The following SOHLH2 variants were observed in gnomAD, a reference collection of about 807,000 sequenced individuals.
SOHLH2 encodes the protein spermatogenesis- and oogenesis-specific basic helix-loop-helix-containing protein 2.
SOHLH2 carries 22 observed loss-of-function variants against 50.4 expected under a neutral mutation model. The observed-to-expected ratio is 0.44, with a 90% CI of 0.31 to 0.62. The LOEUF is 0.62. Ranked by LOEUF, SOHLH2 falls within the 20% of genes least tolerant of loss-of-function variation. The pLI is 0.08. For synonymous variants in SOHLH2, 185 were observed against 187.3 expected (o/e 0.99, Z 0.10); for missense variants, 412 against 504.4 (o/e 0.82, Z 1.76).
chr13:36,183,124 CT>C, intron 6 of SOHLH2: 1 of 347,114 alleles, frequency 2.9e-6, no homozygotes, highest in Non-Finnish European at 6.3e-6. Flanking sequence ...ATTGGCTCCA[CT>C]TTGCCTCCTG....
chr13:36,210,973 T>C (rs1418488590), intron 1 of SOHLH2, among the ~76,000 whole-genome samples: 1 of 152,202 alleles, frequency 6.6e-6, no homozygotes, highest in Non-Finnish European at 1.5e-5. Context: ...TGAGCGCAGA[T>C]TGTTTGCGAA....
At chr13:36,206,914 G>C (rs925505810) in intron 1 of SOHLH2, among the ~76,000 whole-genome samples, 1 of 151,046 alleles carries the variant, frequency 6.6e-6, no homozygotes, top group East Asian at 1.9e-4. Flanking sequence ...TGTTTACATA[G>C]TATGTTATTA....
At chr13:36,177,555 C>T (rs1186557898) in intron 6 of SOHLH2, among the ~76,000 whole-genome samples, 2 of 152,098 alleles carry the variant, frequency 1.3e-5, no homozygotes, top group African/African-American at 4.8e-5. Flanking sequence ...TGTTCCAAAT[C>T]TTTGATGATA....
intron 1 of SOHLH2, among the ~76,000 whole-genome samples, chr13:36,212,095 A>C (rs563909443): frequency 6.6e-6 from 1 of 152,178 alleles, no homozygotes; most frequent in Non-Finnish European, 1.5e-5. Flanking sequence ...AAGAGTTATG[A>C]AGGGCAGAAC....
In SOHLH2 at chr13:36,193,797, G is replaced by A. The variant is rs766951478; in HGVS notation, c.325+9C>T. On this transcript the variant is annotated intron_variant, in intron 3 of 10. Coordinates refer to ENST00000379881, the MANE Select transcript of SOHLH2 (RefSeq NM_017826.3). ...GAAAAAACAAATACTATATTTAGCA[G>A]GTACATACCTTTAAAATTTTCAGGG... The A allele has an allele frequency of 1.3e-6, 2 of 1,599,750 alleles. No homozygotes were observed. Among genetic ancestry groups the A allele is most frequent in the African/African-American group, 2.7e-5 (2 of 74,038 alleles).
At chr13:36,201,095 T>C (rs1281269853) in intron 2 of SOHLH2, among the ~76,000 whole-genome samples, 2 of 146,888 alleles carry the variant, frequency 1.4e-5, no homozygotes, top group East Asian at 2.0e-4. Context: ...GCAGAACTTA[T>C]GTGGAACTGC....
intron 6 of SOHLH2, among the ~76,000 whole-genome samples, chr13:36,181,459 A>G (rs1887254045): frequency 6.6e-6 from 1 of 151,684 alleles, no homozygotes; most frequent in Admixed American, 6.6e-5. Flanking sequence ...ATTTTAATTT[A>G]TCTTTTGGCT....
chr13:36,203,731 T>C (rs1242404344), intron 1 of SOHLH2, among the ~76,000 whole-genome samples: 1 of 152,172 alleles, frequency 6.6e-6, no homozygotes, highest in Non-Finnish European at 1.5e-5. Flanking sequence ...AATCTTATCC[T>C]TTTTATTGGC....
chr13:36,197,688 G>C (rs977385071), intron 2 of SOHLH2, among the ~76,000 whole-genome samples: 4 of 152,126 alleles, frequency 2.6e-5, no homozygotes, highest in Non-Finnish European at 5.9e-5. Context: ...TGACCTACAT[G>C]GGACTTGTAA....
At chr13:36,194,603 T>C (rs1167659814) in intron 2 of SOHLH2, among the ~76,000 whole-genome samples, 1 of 152,190 alleles carries the variant, frequency 6.6e-6, no homozygotes, top group East Asian at 1.9e-4. Flanking sequence ...TTCTTGAAAT[T>C]TTTCAAATAA....
rs140509958 is a variant in SOHLH2 at position 36,211,545 on chromosome 13, G to T, written c.48+2934C>A. On this transcript the variant is annotated intron_variant, in intron 1 of 10. Coordinates refer to ENST00000379881, the MANE Select transcript of SOHLH2 (RefSeq NM_017826.3). The stretch of plus-strand genomic sequence containing the variant: ...CAATCCTTGGAATATAGGAAGAATA[G>T]AGTATGACCAGTTCTACTAAGGGTG... 1.1e-4 allele frequency among the ~76,000 whole-genome samples: 16 copies of T among 152,338 alleles called. No homozygotes were observed. The East Asian group carries it at 3.1e-3, about 29-fold the overall frequency.
chr13:36,168,915 A>G lies in SOHLH2; in HGVS notation c.*119T>C, dbSNP rs1383997531. The G allele has an allele frequency of 1.4e-6, 2 of 1,460,408 alleles. No individual in the cohort carries two copies. The highest frequency in any genetic ancestry group is 2.5e-5 in the East Asian group (1 of 39,414). 90.5% of individuals were successfully genotyped at this position (1,460,408 alleles called of 1,614,324 possible). ...ATTTATCAGAAGCCAAACCATGCCA[A>G]CTCTTTTGATATTAGGTCTTTGGGT... On this transcript the variant is annotated 3_prime_UTR_variant, in exon 11 of 11. Transcript: ENST00000379881.
chr13:36,196,097 A>AGATAGAT (rs1887715777), intron 2 of SOHLH2, among the ~76,000 whole-genome samples: 1 of 145,656 alleles, frequency 6.9e-6, no homozygotes, highest in African/African-American at 2.6e-5. Flanking sequence ...GACAGACAGA[A>AGATAGAT]AGATAGATAG....
Position 36,191,898 on chromosome 13 carries a change from A to C in SOHLH2, c.431-4T>G, listed in dbSNP as rs763230605. On this transcript the variant is annotated splice_polypyrimidine_tract_variant and splice_region_variant and intron_variant, in intron 4 of 10. Coordinates refer to ENST00000379881, the MANE Select transcript of SOHLH2 (RefSeq NM_017826.3). ...CCAGTTGCGTTTTCAGTCTTAACTGAAAGTTTTGAGAGGGGAACTATTTAT... is the reference window on the plus strand; with the variant it reads ...CCAGTTGCGTTTTCAGTCTTAACTGCAAGTTTTGAGAGGGGAACTATTTAT... The C allele has an allele frequency of 3.7e-6, 6 of 1,613,782 alleles. No homozygotes were observed. In the African/African-American group the frequency reaches 5.3e-5, roughly 14 times the overall value.
At chr13:36,189,387 C>G (rs952729902) in intron 6 of SOHLH2, among the ~76,000 whole-genome samples, 1 of 152,134 alleles carries the variant, frequency 6.6e-6, no homozygotes, top group Non-Finnish European at 1.5e-5. Flanking sequence ...CCTCTTCCCC[C>G]TTGTGACCTG....
intron 2 of SOHLH2, among the ~76,000 whole-genome samples, chr13:36,194,976 A>G (rs1887679848): frequency 6.6e-6 from 1 of 152,116 alleles, no homozygotes; most frequent in African/African-American, 2.4e-5. Context: ...ATAAATTTAT[A>G]TATCTGAGTC....
At chr13:36,195,054 C>T (rs1002607515) in intron 2 of SOHLH2, among the ~76,000 whole-genome samples, 1 of 152,158 alleles carries the variant, frequency 6.6e-6, no homozygotes, top group Non-Finnish European at 1.5e-5. Context: ...GGTAAACAGA[C>T]AGACAAGGTT....
intron 6 of SOHLH2, chr13:36,182,402 T>G (rs1034469557): frequency 2.0e-6 from 1 of 495,060 alleles, no homozygotes; most frequent in Non-Finnish European, 2.6e-6. Context: ...CTGTGCCTGC[T>G]TTAATCAAAA....
rs1647964513 is a variant in SOHLH2 at position 36,169,074 on chromosome 13, A to G, written c.1258-20T>C. On this transcript the variant is annotated intron_variant, in intron 10 of 10. Coordinates refer to ENST00000379881, the MANE Select transcript of SOHLH2 (RefSeq NM_017826.3). ...CTGTTGCTGCAAAGAAGGGGGAAAA[A>G]CCCACATTAATTGAATCCTCACCCA... The G allele has an allele frequency of 3.7e-6, 6 of 1,603,482 alleles. No homozygotes were observed. The highest frequency in any genetic ancestry group is 3.4e-5 in the South Asian group (3 of 88,980).
Sources: gnomAD v4.1 joint callset for allele counts (sites outside exome capture counted in the v4.1 genomes callset) on GRCh38, gnomAD v4.1.1 for gene constraint, MANE v1.5 for transcripts, NCBI Gene and HGNC (gene_info 2026-07-23, HGNC 2026-07-21) for gene names.